Variants in KCNJ4 observed in about 807,000 individuals in gnomAD.
KCNJ4 encodes potassium inwardly rectifying channel subfamily J member 4, also known as inward rectifier potassium channel 4.
A neutral mutation model predicts 25.6 loss-of-function variants in KCNJ4; 3 were observed. The ratio of observed to expected loss-of-function variants is 0.12; its 90% CI spans 0.05 to 0.30. The LOEUF (loss-of-function observed/expected upper bound fraction) is 0.30. KCNJ4 is among the 10% of genes least tolerant of loss of function. KCNJ4 has a pLI of 1.00. For synonymous variants in KCNJ4, 257 were observed against 283.9 expected, an observed-to-expected ratio of 0.91 and a Z score of 0.95; for missense variants, 286 against 666.8, an observed-to-expected ratio of 0.43 and a Z score of 6.29.
intron 1 of KCNJ4, among the ~76,000 whole-genome samples, chr22:38,451,939 A>G (rs2089412622): frequency 6.6e-6 from 1 of 151,886 alleles, no homozygotes; most frequent in African/African-American, 2.4e-5. Context: ...ACCCTGTCCA[A>G]CCCCTGCCCA....
intron 1 of KCNJ4, among the ~76,000 whole-genome samples, chr22:38,452,857 C>T (rs1028876242): frequency 2.6e-5 from 4 of 151,910 alleles, no homozygotes; most frequent in Non-Finnish European, 4.4e-5. Flanking sequence ...CCCTTGAGCC[C>T]GGCACTGCCA....
In KCNJ4 at chr22:38,443,470, C is replaced by A. The variant is rs1478387672; in HGVS notation, c.-40+11510G>T. On this transcript the variant is annotated intron_variant, in intron 1 of 1. Transcript: ENST00000303592. This position sits in a 1 kb window ranked among gnomAD's most constrained non-coding sequence, Gnocchi z 4.1. ...AAGCCATGCCCCCGTCCTCCCCTCT[C>A]CTGCCTTCCCCATCTCAGTCTGTGA... 3.3e-5 allele frequency among the ~76,000 whole-genome samples: 5 copies of A among 152,200 alleles called. No homozygotes were observed. The highest frequency in any genetic ancestry group is 1.5e-5 in the Non-Finnish European group (1 of 68,038).
intron 1 of KCNJ4, among the ~76,000 whole-genome samples, chr22:38,438,890 C>T (rs1025126422): frequency 1.4e-4 from 22 of 152,226 alleles, no homozygotes; most frequent in Non-Finnish European, 2.4e-4. Flanking sequence ...TCAGGCTTTG[C>T]CTGGTCTGGT....
chr22:38,434,544 A>G (rs2093059944), intron 1 of KCNJ4, among the ~76,000 whole-genome samples: 1 of 152,072 alleles, frequency 6.6e-6, no homozygotes, highest in African/African-American at 2.4e-5. Flanking sequence ...TGAGCTGGAA[A>G]TCTAACTTGA....
chr22:38,437,784 A>G (rs1026271076), intron 1 of KCNJ4, among the ~76,000 whole-genome samples: 2 of 152,158 alleles, frequency 1.3e-5, no homozygotes, highest in Admixed American at 6.6e-5. Flanking sequence ...GGAGAACTGT[A>G]TATCTTTGTG....
In KCNJ4 at chr22:38,449,556, G is replaced by C. The variant is rs189159347; in HGVS notation, c.-40+5424C>G. On this transcript the variant is annotated intron_variant, in intron 1 of 1. Transcript: ENST00000303592. The surrounding 1 kb of genome is among the most constrained non-coding windows in gnomAD (Gnocchi z 5.2). ...TGCGTGTGTGCCTGTGTCTGTGCCTGAGCATGCACGCGCAGGCTGAAAGGG... is the reference window on the plus strand; with the variant it reads ...TGCGTGTGTGCCTGTGTCTGTGCCTCAGCATGCACGCGCAGGCTGAAAGGG... Among the ~76,000 whole-genome samples the C allele has an allele frequency of 1.8e-4, 27 of 152,302 alleles. No homozygotes were observed. The highest frequency in any genetic ancestry group is 6.5e-4 in the African/African-American group (27 of 41,566).
intron 1 of KCNJ4, among the ~76,000 whole-genome samples, chr22:38,440,417 C>T (rs548275278): frequency 3.9e-4 from 59 of 152,262 alleles, no homozygotes; most frequent in African/African-American, 1.3e-3. Context: ...TGGTGCATGC[C>T]TGTAATCCCA....
chr22:38,451,136 G>A (rs557640858), intron 1 of KCNJ4, among the ~76,000 whole-genome samples: 93 of 152,312 alleles, frequency 6.1e-4, no homozygotes, highest in Middle Eastern at 3.4e-3. Flanking sequence ...GTGTTTCCTC[G>A]CTGGGAAGCG....
chr22:38,435,695 G>GAA (rs768666777), intron 1 of KCNJ4, among the ~76,000 whole-genome samples: 2 of 134,560 alleles, frequency 1.5e-5, no homozygotes, highest in Middle Eastern at 3.7e-3. Flanking sequence ...TCTGTCTCGG[G>GAA]AAAAAAAAAA....
At chr22:38,453,695 G>A (rs1164957203) in intron 1 of KCNJ4, among the ~76,000 whole-genome samples, 2 of 152,148 alleles carry the variant, frequency 1.3e-5, no homozygotes, top group African/African-American at 2.4e-5. Flanking sequence ...CGGTTGGGAG[G>A]AGAGTGACCA....
intron 1 of KCNJ4, among the ~76,000 whole-genome samples, chr22:38,454,505 G>T (rs2089427518): frequency 6.6e-6 from 1 of 152,154 alleles, no homozygotes; most frequent in Non-Finnish European, 1.5e-5. Flanking sequence ...TGCGCCCTGG[G>T]GTCGTGTGGC....
At chr22:38,438,194 C>G (rs2089306370) in intron 1 of KCNJ4, among the ~76,000 whole-genome samples, 1 of 132,542 alleles carries the variant, frequency 7.5e-6, no homozygotes, top group Admixed American at 8.2e-5. Flanking sequence ...GAGCCGAGAT[C>G]ATGCCATTGC....
At chr22:38,451,897 C>A (rs1273955252) in intron 1 of KCNJ4, among the ~76,000 whole-genome samples, 1 of 152,212 alleles carries the variant, frequency 6.6e-6, no homozygotes, top group Non-Finnish European at 1.5e-5. Flanking sequence ...AGCTCCAAAC[C>A]TTCTGTCTGA....
chr22:38,437,773 C>T (rs1307576441), intron 1 of KCNJ4, among the ~76,000 whole-genome samples: 1 of 152,090 alleles, frequency 6.6e-6, no homozygotes, highest in Non-Finnish European at 1.5e-5. Flanking sequence ...GGAGTCTGTC[C>T]GGAGAACTGT....
In KCNJ4 at chr22:38,443,081, T is replaced by C. The variant is rs1215803643; in HGVS notation, c.-40+11899A>G. ...GACTTACTCTCCACTCTTCCTCACC[T>C]CCTAGTCTCCCCTCAGCCCCCTCCA... On this transcript the variant is annotated intron_variant, in intron 1 of 1. Coordinates refer to ENST00000303592, the MANE Select transcript of KCNJ4 (RefSeq NM_152868.3). The surrounding 1 kb of genome is among the most constrained non-coding windows in gnomAD (Gnocchi z 4.1). Among the ~76,000 whole-genome samples, 1 of 152,006 alleles carries C rather than the reference T, an allele frequency of 6.6e-6. No individual in the cohort carries two copies.
At chr22:38,441,377 T>C (rs2089331842) in intron 1 of KCNJ4, among the ~76,000 whole-genome samples, 1 of 152,012 alleles carries the variant, frequency 6.6e-6, no homozygotes, top group African/African-American at 2.4e-5. Context: ...AGAGGTGACA[T>C]GGTAACAGCC....
intron 1 of KCNJ4, among the ~76,000 whole-genome samples, chr22:38,454,605 A>G (rs2089428435): frequency 1.3e-5 from 2 of 152,030 alleles, no homozygotes; most frequent in African/African-American, 2.4e-5. Context: ...GGGAGGCGGA[A>G]AGGCGGCATC....
rs749238057 is a variant in KCNJ4, at chr22:38,426,784, G to A, written c.*11C>T. On this transcript the variant is annotated 3_prime_UTR_variant, in exon 2 of 2. Coordinates refer to ENST00000303592, the MANE Select transcript of KCNJ4 (RefSeq NM_152868.3). ...GCTCTTGTGGGCAGTGGTGAGGGCC[G>A]GGCCTGGAGGTCAGATGGCAGACTC... 25 of 1,597,350 alleles carry A rather than the reference G, an allele frequency of 1.6e-5. No individual in the cohort carries two copies. The highest frequency in any genetic ancestry group is 6.7e-5 in the South Asian group (6 of 89,040).
In KCNJ4 at chr22:38,427,842, C is replaced by T. The variant is rs1276342865; in HGVS notation, c.291G>A (p.Gly97=). The T allele has an allele frequency of 6.2e-7, 1 of 1,609,796 alleles. No homozygotes were observed. Among genetic ancestry groups the T allele is most frequent in the East Asian group, 2.2e-5 (1 of 44,762 alleles). ...LEASPGVPAA[G]GPAAGGGGAA... is the part of the protein sequence containing the mutation. The stretch of plus-strand genomic sequence containing the variant: ...CTCCGCCACCACCCGCCGCCGGGCC[C>T]CCCGCCGCAGGCACCCCTGGGCTGG... The change falls in exon 2 of 2, where the codon GGG becomes GGA. Residue 97 remains glycine, a synonymous_variant. Coordinates refer to ENST00000303592, the MANE Select transcript of KCNJ4 (RefSeq NM_152868.3).
Sources: gnomAD v4.1 joint callset for allele counts (sites outside exome capture counted in the v4.1 genomes callset) on GRCh38, gnomAD v4.1.1 for gene constraint, Gnocchi (gnomAD v3.1) non-coding constraint, MANE v1.5 for transcripts, NCBI Gene and HGNC (gene_info 2026-07-23, HGNC 2026-07-21) for gene names.